The following BBS9 variants were observed in gnomAD, a reference collection of about 807,000 sequenced individuals.
The protein encoded by BBS9 is protein PTHB1.
Under a neutral mutation model 117.7 loss-of-function variants are expected in BBS9, and 89 were observed. That is an observed-to-expected ratio of 0.76 (90% confidence interval 0.64 to 0.90). BBS9 has a LOEUF of 0.90. Ranked by LOEUF, BBS9 falls within the 40% of genes least tolerant of loss-of-function variation. BBS9 has a pLI of 0.00. For synonymous variants in BBS9, 379 were observed against 370.9 expected (o/e 1.02, Z -0.25); for missense variants, 982 against 1,042.2 (o/e 0.94, Z 0.80).
chr7:33,380,663 C>T (rs1824833343), intron 17 of BBS9: 1 of 152,202 alleles, frequency 6.6e-6, no homozygotes, highest in Non-Finnish European at 1.5e-5. Flanking sequence ...GCAATTTGGC[C>T]CATACCTGCC....
intron 5 of BBS9, chr7:33,242,856 C>A: frequency 4.1e-6 from 2 of 489,594 alleles, no homozygotes; most frequent in South Asian, 1.5e-5. Context: ...CATTAGGTAC[C>A]TACACTATGC....
intron 21 of BBS9, among the ~76,000 whole-genome samples, chr7:33,616,328 AT>A (rs1409392630): frequency 6.6e-6 from 1 of 150,888 alleles, no homozygotes; most frequent in Non-Finnish European, 1.5e-5. Flanking sequence ...AAGAATTAGG[AT>A]TATTTTGTTG....
intron 5 of BBS9, among the ~76,000 whole-genome samples, chr7:33,209,100 C>G (rs1300090717): frequency 1.3e-5 from 2 of 152,192 alleles, no homozygotes; most frequent in African/African-American, 4.8e-5. Context: ...CATCCCCCAA[C>G]TACCCTTCTC....
intron 21 of BBS9, among the ~76,000 whole-genome samples, chr7:33,565,182 CTT>C (rs1306276110): frequency 6.6e-6 from 1 of 152,158 alleles, no homozygotes; most frequent in Non-Finnish European, 1.5e-5. Flanking sequence ...CTCAGTAAAT[CTT>C]CATTGTCTTC....
chr7:33,466,269 G>A (rs1394662170), intron 19 of BBS9, among the ~76,000 whole-genome samples: 1 of 152,020 alleles, frequency 6.6e-6, no homozygotes, highest in Non-Finnish European at 1.5e-5. Flanking sequence ...CATCCTCCAT[G>A]AATAAGTGCT....
At chr7:33,447,180 G>A (rs1395901259) in intron 19 of BBS9, among the ~76,000 whole-genome samples, 1 of 152,226 alleles carries the variant, frequency 6.6e-6, no homozygotes, top group Non-Finnish European at 1.5e-5. Context: ...AAACAAACCA[G>A]AATATACCAC....
chr7:33,516,162 T>C (rs1847741608), intron 20 of BBS9, among the ~76,000 whole-genome samples: 1 of 152,114 alleles, frequency 6.6e-6, no homozygotes, highest in Non-Finnish European at 1.5e-5. Context: ...GACACAACCC[T>C]ACTTCTGAGA....
chr7:33,386,058 C>T lies in BBS9; in HGVS notation c.1963-1934C>T, dbSNP rs147999909. Among the ~76,000 whole-genome samples, 946 of 151,702 alleles carry T rather than the reference C, an allele frequency of 6.2e-3. 9 individuals carry two copies. Among genetic ancestry groups the T allele is most frequent in the African/African-American group, 0.021 (881 of 41,290 alleles). ...TGACAAGTTAATGGGTGCAGCGCAC[C>T]GACATGGCACATGTATACATATGTA... On this transcript the variant is annotated intron_variant, in intron 18 of 22. Coordinates refer to ENST00000242067, the MANE Select transcript of BBS9 (RefSeq NM_198428.3).
intron 2 of BBS9, among the ~76,000 whole-genome samples, chr7:33,151,078 C>A (rs926330646): frequency 1.5e-4 from 23 of 152,082 alleles, no homozygotes; most frequent in African/African-American, 5.6e-4. Context: ...ATGGCAAAAC[C>A]ACATCCCTAC....
chr7:33,230,419 T>TA (rs1792129817), intron 5 of BBS9, among the ~76,000 whole-genome samples: 1 of 152,148 alleles, frequency 6.6e-6, no homozygotes, highest in Admixed American at 6.6e-5. Flanking sequence ...TTACATTTTT[T>TA]AAAAAAAATT....
chr7:33,321,073 C>T (rs1419799729), intron 9 of BBS9, among the ~76,000 whole-genome samples: 1 of 151,994 alleles, frequency 6.6e-6, no homozygotes, highest in East Asian at 1.9e-4. Flanking sequence ...TCTGGGTTCT[C>T]TCTTCTGTTC....
intron 19 of BBS9, among the ~76,000 whole-genome samples, chr7:33,427,155 A>T (rs1833779531): frequency 6.6e-6 from 1 of 152,122 alleles, no homozygotes; most frequent in African/African-American, 2.4e-5. Context: ...GGGCTCAGGG[A>T]ACTGGCACAA....
chr7:33,400,551 C>T (rs74439779), intron 19 of BBS9, among the ~76,000 whole-genome samples: 1 of 152,156 alleles, frequency 6.6e-6, no homozygotes, highest in East Asian at 1.9e-4. Flanking sequence ...CTCCCGTCCA[C>T]CTTCCTTCCC....
At chr7:33,560,782 T>C (rs1313335106) in intron 21 of BBS9, among the ~76,000 whole-genome samples, 2 of 152,208 alleles carry the variant, frequency 1.3e-5, no homozygotes, top group Admixed American at 1.3e-4. Flanking sequence ...CACAGCCCTC[T>C]CAATTATGTG....
chr7:33,272,168 C>G (rs192917811), intron 7 of BBS9, among the ~76,000 whole-genome samples: 106 of 152,230 alleles, frequency 7.0e-4, no homozygotes, highest in African/African-American at 2.4e-3. Context: ...CATGTTCTCA[C>G]TTAAATATCA....
chr7:33,584,024 T>A (rs1860463314), intron 21 of BBS9, among the ~76,000 whole-genome samples: 1 of 152,066 alleles, frequency 6.6e-6, no homozygotes, highest in Non-Finnish European at 1.5e-5. Flanking sequence ...TTAAGCTGAT[T>A]CATGAAGAAT....
chr7:33,135,770 A>C (rs1790360936), intron 1 of BBS9, among the ~76,000 whole-genome samples: 1 of 152,210 alleles, frequency 6.6e-6, no homozygotes, highest in Non-Finnish European at 1.5e-5. Flanking sequence ...TGATTTGGGA[A>C]GTATTGCCGT....
intron 19 of BBS9, among the ~76,000 whole-genome samples, chr7:33,450,410 A>G (rs973526999): frequency 6.6e-6 from 1 of 152,204 alleles, no homozygotes; most frequent in Non-Finnish European, 1.5e-5. Context: ...TTGCTAGATC[A>G]TGTTGTAGTT....
chr7:33,218,133 A>C (rs547760419), intron 5 of BBS9, among the ~76,000 whole-genome samples: 320 of 152,374 alleles, frequency 2.1e-3, no homozygotes, highest in Middle Eastern at 3.4e-3. Context: ...CAGATTAATA[A>C]AGAAAAGATT....
Sources: gnomAD v4.1 joint callset for allele counts (sites outside exome capture counted in the v4.1 genomes callset) on GRCh38, gnomAD v4.1.1 for gene constraint, MANE v1.5 for transcripts, NCBI Gene and HGNC (gene_info 2026-07-23, HGNC 2026-07-21) for gene names.